DYRK1A: variants seen among roughly 807,000 people sequenced by gnomAD.
DYRK1A encodes dual specificity tyrosine phosphorylation regulated kinase 1A.
A neutral mutation model predicts 79.7 loss-of-function variants in DYRK1A; 9 were observed. The observed-to-expected ratio is 0.11, with a 90% CI of 0.07 to 0.20. The LOEUF (loss-of-function observed/expected upper bound fraction) is 0.20. Ranked by LOEUF, DYRK1A falls within the 10% of genes least tolerant of loss-of-function variation. The pLI is 1.00. For synonymous variants in DYRK1A, 349 were observed against 329.7 expected (o/e 1.06, Z -0.63); for missense variants, 622 against 956.0 (o/e 0.65, Z 4.61).
intron 2 of DYRK1A, chr21:37,421,864 G>T (rs2050485133): frequency 6.6e-6 from 1 of 152,092 alleles, no homozygotes; most frequent in Admixed American, 6.6e-5. Flanking sequence ...ACTTTCGACT[G>T]AGGTCAGTAG....
chr21:37,436,322 ATGTAAGTGGTCACAG>A (rs1398603011), intron 2 of DYRK1A, among the ~76,000 whole-genome samples: 1 of 152,174 alleles, frequency 6.6e-6, no homozygotes, highest in Non-Finnish European at 1.5e-5. Context: ...CAGTTGTCAA[ATGTAAGTGGTCACAG>A]TGATCAAGGA....
chr21:37,408,413 A>G (rs1055124809), intron 1 of DYRK1A, among the ~76,000 whole-genome samples: 1 of 152,210 alleles, frequency 6.6e-6, no homozygotes, highest in Non-Finnish European at 1.5e-5. Flanking sequence ...AGCAGTACTC[A>G]GTGTTTTGCC....
chr21:37,476,094 G>C (rs1226648374), intron 3 of DYRK1A, among the ~76,000 whole-genome samples: 1 of 152,184 alleles, frequency 6.6e-6, no homozygotes, highest in South Asian at 2.1e-4. Context: ...CTCGTTAAGA[G>C]CCTGGGGTTA....
intron 2 of DYRK1A, among the ~76,000 whole-genome samples, chr21:37,440,677 T>C (rs539075559): frequency 3.9e-5 from 6 of 152,338 alleles, no homozygotes; most frequent in Admixed American, 3.9e-4. Context: ...TATGGTTTCT[T>C]CCTTGAGTTG....
intron 2 of DYRK1A, among the ~76,000 whole-genome samples, chr21:37,456,693 C>G (rs1242333687): frequency 6.6e-6 from 1 of 152,130 alleles, no homozygotes; most frequent in Non-Finnish European, 1.5e-5. Context: ...GGGCGCGGGC[C>G]CACCTACCTC....
chr21:37,463,194 A>G, intron 2 of DYRK1A, among the ~76,000 whole-genome samples: 1 of 69,214 alleles, frequency 1.4e-5, no homozygotes, highest in South Asian at 5.3e-4. Flanking sequence ...TGTGTGTTTA[A>G]TGTTGGCACG....
chr21:37,474,431 A>G (rs1256983185), intron 3 of DYRK1A, among the ~76,000 whole-genome samples: 2 of 152,180 alleles, frequency 1.3e-5, no homozygotes, highest in Non-Finnish European at 2.9e-5. Flanking sequence ...TCAGCCAAAT[A>G]TTTCTGCCAA....
chr21:37,501,166 G>GTTTTTTTTTTTGTTTT (rs2053433996), intron 9 of DYRK1A, among the ~76,000 whole-genome samples: 1 of 93,996 alleles, frequency 1.1e-5, no homozygotes, highest in African/African-American at 4.7e-5. Context: ...GTTGTTGTTG[G>GTTTTTTTTTTTGTTTT]TTTTTTTTTT....
intron 1 of DYRK1A, among the ~76,000 whole-genome samples, chr21:37,383,125 C>T (rs1234076317): frequency 6.6e-6 from 1 of 152,186 alleles, no homozygotes; most frequent in East Asian, 1.9e-4. Flanking sequence ...GCAGTGCTTG[C>T]CTACCTCAGA....
At chr21:37,435,951 G>A (rs1171297633) in intron 2 of DYRK1A, among the ~76,000 whole-genome samples, 1 of 152,050 alleles carries the variant, frequency 6.6e-6, no homozygotes, top group Non-Finnish European at 1.5e-5. Context: ...GTTGGTGTAT[G>A]TGAAGTCTTT....
chr21:37,461,765 T>C lies in DYRK1A; in HGVS notation c.11-10919T>C, dbSNP rs562006691. The stretch of plus-strand genomic sequence containing the variant: ...GACTCCCCTATATGGAAACAGGTGT[T>C]TTTGTCTCTGGCTGCTTTTACAATT... On this transcript the variant is annotated intron_variant, in intron 2 of 11. Coordinates refer to ENST00000647188, the MANE Select transcript of DYRK1A (RefSeq NM_001347721.2). 2.0e-5 allele frequency among the ~76,000 whole-genome samples: 3 copies of C among 152,256 alleles called. No individual in the cohort carries two copies. In the South Asian group the frequency reaches 6.2e-4, roughly 32 times the overall value.
chr21:37,453,324 G>A (rs755397677), intron 2 of DYRK1A, among the ~76,000 whole-genome samples: 5 of 152,146 alleles, frequency 3.3e-5, no homozygotes. Context: ...AGCCACATAT[G>A]ACTATTGTTG....
At chr21:37,421,120 CATATT>C (rs1324469756) in intron 2 of DYRK1A, among the ~76,000 whole-genome samples, 1 of 152,016 alleles carries the variant, frequency 6.6e-6, no homozygotes, top group East Asian at 1.9e-4. Context: ...TTAAATTAGG[CATATT>C]ATAAGGCATT....
Position 37,513,650 on chromosome 21 carries a change from T to G in DYRK1A, c.*1119T>G, listed in dbSNP as rs889171914. On this transcript the variant is annotated 3_prime_UTR_variant, in exon 12 of 12. Transcript: ENST00000647188. Reference sequence around the variant, plus strand: ...GTCCCTTCCTGCTTTTTACTTTTTCTTTTGCTTTTTCTCGGCACGTGGTAT... The same window carrying G: ...GTCCCTTCCTGCTTTTTACTTTTTCGTTTGCTTTTTCTCGGCACGTGGTAT... 1.3e-5 allele frequency: 2 copies of G among 152,658 alleles called. No individual in the cohort carries two copies. The highest frequency in any genetic ancestry group is 4.8e-5 in the African/African-American group (2 of 41,456). 9.5% of individuals were successfully genotyped at this position (152,658 alleles called of 1,614,324 possible).
At chr21:37,463,307 T>TTA (rs2051913975) in intron 2 of DYRK1A, among the ~76,000 whole-genome samples, 1 of 152,062 alleles carries the variant, frequency 6.6e-6, no homozygotes, top group Non-Finnish European at 1.5e-5. Flanking sequence ...GGCTCACTGT[T>TTA]ACTAAATAGT....
At chr21:37,437,546 G>A (rs915410655) in intron 2 of DYRK1A, among the ~76,000 whole-genome samples, 1 of 152,164 alleles carries the variant, frequency 6.6e-6, no homozygotes, top group Non-Finnish European at 1.5e-5. Context: ...AGTATTACTT[G>A]TGAAACTTTT....
intron 2 of DYRK1A, among the ~76,000 whole-genome samples, chr21:37,457,241 T>TCC (rs112122406): frequency 6.6e-6 from 1 of 151,614 alleles, no homozygotes; most frequent in African/African-American, 2.4e-5. Flanking sequence ...AATTTTTGTA[T>TCC]CCCCCCCGCA....
intron 1 of DYRK1A, among the ~76,000 whole-genome samples, chr21:37,378,371 A>G (rs1490199397): frequency 6.6e-6 from 1 of 152,148 alleles, no homozygotes; most frequent in Non-Finnish European, 1.5e-5. Context: ...TGTCTCTACT[A>G]AAAATACAAA....
At chr21:37,452,714 G>A (rs887053813) in intron 2 of DYRK1A, among the ~76,000 whole-genome samples, 2 of 149,682 alleles carry the variant, frequency 1.3e-5, no homozygotes, top group African/African-American at 2.5e-5. Flanking sequence ...TTTTCCCTGC[G>A]CTCTTTTCTT....
Sources: gnomAD v4.1 joint callset for allele counts (sites outside exome capture counted in the v4.1 genomes callset) on GRCh38, gnomAD v4.1.1 for gene constraint, MANE v1.5 for transcripts, NCBI Gene and HGNC (gene_info 2026-07-23, HGNC 2026-07-21) for gene names.